The following THRB variants were observed in gnomAD, a reference collection of about 807,000 sequenced individuals.
THRB encodes the protein nuclear receptor subfamily 1 group A member 2.
A neutral mutation model predicts 47.8 loss-of-function variants in THRB; 12 were observed. The ratio of observed to expected loss-of-function variants is 0.25; its 90% CI spans 0.16 to 0.41. The LOEUF is 0.41. Ranked by LOEUF, THRB falls within the 10% of genes least tolerant of loss-of-function variation. THRB has a pLI of 1.00. For missense variants in THRB, 348 were observed against 589.2 expected, an observed-to-expected ratio of 0.59 and a Z score of 4.24; for synonymous variants, 218 against 212.2, an observed-to-expected ratio of 1.03 and a Z score of -0.24.
intron 3 of THRB, among the ~76,000 whole-genome samples, chr3:24,234,050 G>A (rs1295789803): frequency 6.6e-6 from 1 of 152,182 alleles, no homozygotes; most frequent in Non-Finnish European, 1.5e-5. Context: ...TGTATGAAAT[G>A]GCTTCAGGGA....
intron 3 of THRB, among the ~76,000 whole-genome samples, chr3:24,269,385 A>ACGCGCG (rs1559783357): frequency 1.9e-5 from 1 of 52,376 alleles, no homozygotes; most frequent in African/African-American, 7.8e-5. Context: ...ATCATAGCTC[A>ACGCGCG]CACGCGCGCG....
At chr3:24,302,334 T>G (rs894520424) in intron 2 of THRB, among the ~76,000 whole-genome samples, 1 of 152,216 alleles carries the variant, frequency 6.6e-6, no homozygotes, top group African/African-American at 2.4e-5. Flanking sequence ...CTTGTTTTGT[T>G]TTTTAAATAG....
At chr3:24,493,386 T>C (rs1254122374) in intron 1 of THRB, among the ~76,000 whole-genome samples, 2 of 152,230 alleles carry the variant, frequency 1.3e-5, no homozygotes, top group African/African-American at 2.4e-5. Context: ...AGCCAAATAA[T>C]GTGAAGATTG....
At chr3:24,287,004 A>T (rs2055374942) in intron 3 of THRB, among the ~76,000 whole-genome samples, 1 of 152,192 alleles carries the variant, frequency 6.6e-6, no homozygotes, top group Admixed American at 6.5e-5. Flanking sequence ...GGTAAATTCC[A>T]AGGAATAAAA....
chr3:24,361,475 T>C (rs1016674715), intron 1 of THRB, among the ~76,000 whole-genome samples: 3 of 151,996 alleles, frequency 2.0e-5, no homozygotes, highest in African/African-American at 4.8e-5. Flanking sequence ...AGAGGATGTG[T>C]CCCAAAAAGA....
At position 24,127,078 on chromosome 3, in the gene THRB, C is replaced by T. The variant is rs551093843; in HGVS notation, c.1144+421G>A. Among the ~76,000 whole-genome samples the T allele has an allele frequency of 9.4e-4, 143 of 152,346 alleles. 1 individual carries two copies. In the Middle Eastern group the frequency reaches 0.01, roughly 11 times the overall value. On this transcript the variant is annotated intron_variant, in intron 10 of 10. Transcript: ENST00000646209. Reference sequence around the variant, plus strand: ...ATTTAGCAACAGATAACTAAAACTTCAGTTGTAGCTAAGCCATGAACAAAT... The same window carrying T: ...ATTTAGCAACAGATAACTAAAACTTTAGTTGTAGCTAAGCCATGAACAAAT...
intron 1 of THRB, among the ~76,000 whole-genome samples, chr3:24,433,207 C>A (rs1026721456): frequency 1.3e-5 from 2 of 152,074 alleles, no homozygotes; most frequent in Non-Finnish European, 2.9e-5. Context: ...CCTCCCAAAT[C>A]TGTTCAAGTC....
At chr3:24,362,391 T>A (rs1436030889) in intron 1 of THRB, among the ~76,000 whole-genome samples, 1 of 152,174 alleles carries the variant, frequency 6.6e-6, no homozygotes, top group Non-Finnish European at 1.5e-5. Context: ...TCATAAGAGA[T>A]GCTCTTCCCC....
chr3:24,148,473 G>T (rs2036439132), intron 6 of THRB, among the ~76,000 whole-genome samples: 1 of 152,114 alleles, frequency 6.6e-6, no homozygotes, highest in African/African-American at 2.4e-5. Context: ...TATTGGCCAG[G>T]CTGGTCTCCA....
chr3:24,156,108 T>C (rs1389856318), intron 5 of THRB, among the ~76,000 whole-genome samples: 1 of 152,252 alleles, frequency 6.6e-6, no homozygotes, highest in Non-Finnish European at 1.5e-5. Flanking sequence ...GTCTGGTTAA[T>C]TGCTAAGTAT....
At chr3:24,189,811 C>T (rs1019341551) in intron 5 of THRB, among the ~76,000 whole-genome samples, 2 of 152,230 alleles carry the variant, frequency 1.3e-5, no homozygotes, top group African/African-American at 4.8e-5. Flanking sequence ...AACCCCTCTA[C>T]TAATTAGAGA....
chr3:24,313,692 A>T (rs12632081), intron 2 of THRB, among the ~76,000 whole-genome samples: 39,163 of 152,078 alleles, frequency 0.26, 6,351 homozygotes, highest in East Asian at 0.48. Flanking sequence ...ACTAAATAGA[A>T]ATTGAGGATA....
At chr3:24,123,589 G>A (rs1168183422) in intron 10 of THRB, among the ~76,000 whole-genome samples, 4 of 152,156 alleles carry the variant, frequency 2.6e-5, no homozygotes, top group African/African-American at 7.2e-5. Context: ...AAGGAGGAAC[G>A]CGGAATAGTA....
At chr3:24,415,245 G>C (rs554725151) in intron 1 of THRB, among the ~76,000 whole-genome samples, 2 of 151,958 alleles carry the variant, frequency 1.3e-5, no homozygotes, top group South Asian at 4.1e-4. Flanking sequence ...TTGGGACTCA[G>C]GGAACAGGCA....
At chr3:24,408,890 C>T (rs2068047462) in intron 1 of THRB, among the ~76,000 whole-genome samples, 1 of 151,768 alleles carries the variant, frequency 6.6e-6, no homozygotes, top group Admixed American at 6.6e-5. Context: ...TTAAACTATA[C>T]TCTATAAAAA....
intron 4 of THRB, among the ~76,000 whole-genome samples, chr3:24,198,564 C>T (rs2044246640): frequency 6.7e-6 from 1 of 149,818 alleles, no homozygotes; most frequent in South Asian, 2.1e-4. Context: ...TCCCCTTTCT[C>T]TCAATTTACA....
At chr3:24,310,193 G>T (rs527396131) in intron 2 of THRB, among the ~76,000 whole-genome samples, 159 of 152,220 alleles carry the variant, frequency 1.0e-3, no homozygotes, top group African/African-American at 3.6e-3. Flanking sequence ...TAATCTTTGT[G>T]AACTTGGGAA....
At chr3:24,138,944 T>C (rs1016336182) in intron 8 of THRB, among the ~76,000 whole-genome samples, 2 of 152,232 alleles carry the variant, frequency 1.3e-5, no homozygotes, top group Non-Finnish European at 2.9e-5. Flanking sequence ...TGACACAATG[T>C]CAGCAGACAA....
intron 1 of THRB, among the ~76,000 whole-genome samples, chr3:24,358,462 C>A (rs1167741678): frequency 6.6e-6 from 1 of 152,122 alleles, no homozygotes; most frequent in African/African-American, 2.4e-5. Context: ...TAAGTAGTAG[C>A]TGTGTATTCA....
Sources: gnomAD v4.1 joint callset for allele counts (sites outside exome capture counted in the v4.1 genomes callset) on GRCh38, gnomAD v4.1.1 for gene constraint, MANE v1.5 for transcripts, NCBI Gene and HGNC (gene_info 2026-07-23, HGNC 2026-07-21) for gene names.